FUT9: variants seen among roughly 807,000 people sequenced by gnomAD.
The protein encoded by FUT9 is 4-galactosyl-N-acetylglucosaminide 3-alpha-L-fucosyltransferase 9.
In FUT9, 15 loss-of-function variants were observed where a neutral mutation model predicts 29.7. That is an observed-to-expected ratio of 0.51 (90% CI 0.34 to 0.78). FUT9 has a LOEUF of 0.78. Among genes scored for constraint, FUT9 ranks in the 30% least tolerant of loss-of-function variants. The pLI is 0.01. For missense variants in FUT9, 319 were observed against 425.4 expected, an observed-to-expected ratio of 0.75 and a Z score of 2.20; for synonymous variants, 169 against 153.7, an observed-to-expected ratio of 1.10 and a Z score of -0.74.
chr6:96,101,011 G>A (rs1771577192), intron 1 of FUT9, among the ~76,000 whole-genome samples: 1 of 150,754 alleles, frequency 6.6e-6, no homozygotes, highest in Non-Finnish European at 1.5e-5. Context: ...TTGCATACAT[G>A]TGTAATCAAG....
At chr6:96,114,677 T>A (rs911001206) in intron 2 of FUT9, among the ~76,000 whole-genome samples, 2 of 151,860 alleles carry the variant, frequency 1.3e-5, no homozygotes, top group African/African-American at 4.8e-5. Context: ...AGAAAAGTAG[T>A]CTTTGTACAG....
chr6:96,152,130 T>C (rs1304469312), intron 2 of FUT9, among the ~76,000 whole-genome samples: 1 of 152,168 alleles, frequency 6.6e-6, no homozygotes, highest in Non-Finnish European at 1.5e-5. Flanking sequence ...AAGGAGCCTG[T>C]CTTTTAAAGT....
chr6:96,021,306 C>A (rs1470097746), intron 1 of FUT9, among the ~76,000 whole-genome samples: 1 of 151,652 alleles, frequency 6.6e-6, no homozygotes, highest in Non-Finnish European at 1.5e-5. Flanking sequence ...TTGGACAATG[C>A]AGGAACCTAT....
chr6:96,032,663 T>G (rs9498737), intron 1 of FUT9, among the ~76,000 whole-genome samples: 1 of 151,250 alleles, frequency 6.6e-6, no homozygotes, highest in South Asian at 2.1e-4. Context: ...ACTATTGTCT[T>G]TACGTGAAAG....
intron 1 of FUT9, among the ~76,000 whole-genome samples, chr6:96,095,262 C>T (rs1455531777): frequency 6.6e-6 from 1 of 152,096 alleles, no homozygotes; most frequent in African/African-American, 2.4e-5. Flanking sequence ...CATTGCAAAT[C>T]TCATTTCTTA....
intron 2 of FUT9, among the ~76,000 whole-genome samples, chr6:96,202,651 A>G (rs1773746209): frequency 6.6e-6 from 1 of 152,170 alleles, no homozygotes; most frequent in South Asian, 2.1e-4. Context: ...TATAACGAGA[A>G]AAACAAAAAC....
At chr6:96,180,276 G>A (rs1364148457) in intron 2 of FUT9, among the ~76,000 whole-genome samples, 2 of 152,044 alleles carry the variant, frequency 1.3e-5, no homozygotes, top group Non-Finnish European at 2.9e-5. Context: ...ATCTAGCATA[G>A]TGGCATTTTT....
chr6:96,157,389 T>A (rs962188895), intron 2 of FUT9, among the ~76,000 whole-genome samples: 3 of 152,206 alleles, frequency 2.0e-5, no homozygotes, highest in African/African-American at 7.2e-5. Flanking sequence ...ATAATCTTTT[T>A]ATTATTTTGG....
chr6:96,084,038 C>T (rs1465846504), intron 1 of FUT9, among the ~76,000 whole-genome samples: 1 of 152,006 alleles, frequency 6.6e-6, no homozygotes, highest in Non-Finnish European at 1.5e-5. Context: ...TCAGAATGTA[C>T]TTGTCAATTG....
chr6:96,205,882 C>G lies in FUT9; in HGVS notation c.*1647C>G, dbSNP rs1422396484. 1.2e-5 allele frequency: 2 copies of G among 166,910 alleles called. No individual in the cohort carries two copies. The highest frequency in any genetic ancestry group is 2.9e-5 in the Non-Finnish European group (2 of 68,096). 10.3% of individuals were successfully genotyped at this position (166,910 alleles called of 1,614,324 possible). On this transcript the variant is annotated 3_prime_UTR_variant, in exon 3 of 3. Coordinates refer to ENST00000302103, the MANE Select transcript of FUT9 (RefSeq NM_006581.4). ...GTGAGAGAATAAGCTCACCCCAGCA[C>G]CAGAAAGATTTGAGCAGAGGAATAT...
At chr6:96,022,025 T>TGACATA (rs1770078658) in intron 1 of FUT9, among the ~76,000 whole-genome samples, 1 of 152,066 alleles carries the variant, frequency 6.6e-6, no homozygotes, top group Non-Finnish European at 1.5e-5. Flanking sequence ...ATGAATACTT[T>TGACATA]ACAACTTTAT....
intron 1 of FUT9, among the ~76,000 whole-genome samples, chr6:96,062,678 G>T (rs1200972237): frequency 6.6e-6 from 1 of 152,104 alleles, no homozygotes; most frequent in African/African-American, 2.4e-5. Context: ...ACTGCATAGT[G>T]AAATTTCAGA....
At chr6:96,113,323 C>T (rs2127961576) in intron 1 of FUT9, among the ~76,000 whole-genome samples, 1 of 151,938 alleles carries the variant, frequency 6.6e-6, no homozygotes, top group African/African-American at 2.4e-5. Context: ...ATTGCAACTT[C>T]CATTTCCGAG....
intron 2 of FUT9, among the ~76,000 whole-genome samples, chr6:96,153,744 C>T (rs1772725814): frequency 6.6e-6 from 1 of 152,208 alleles, no homozygotes; most frequent in South Asian, 2.1e-4. Flanking sequence ...TGAATCTCAC[C>T]TCTCCAGTTT....
At chr6:96,020,149 T>G (rs1770042522) in intron 1 of FUT9, among the ~76,000 whole-genome samples, 1 of 152,142 alleles carries the variant, frequency 6.6e-6, no homozygotes, top group Admixed American at 6.5e-5. Flanking sequence ...ATTCAAAAAT[T>G]AAACTGCAAC....
chr6:96,091,311 T>G (rs968549433), intron 1 of FUT9, among the ~76,000 whole-genome samples: 13 of 152,120 alleles, frequency 8.5e-5, no homozygotes, highest in Admixed American at 7.9e-4. Flanking sequence ...CAAAATAAAT[T>G]AGAATATTAT....
chr6:96,051,432 C>A (rs982529998), intron 1 of FUT9, among the ~76,000 whole-genome samples: 6 of 152,000 alleles, frequency 3.9e-5, no homozygotes, highest in African/African-American at 1.4e-4. Flanking sequence ...GAGAGGATTG[C>A]TTGAAGCCAA....
intron 1 of FUT9, among the ~76,000 whole-genome samples, chr6:96,101,413 C>A (rs923390614): frequency 6.6e-5 from 10 of 151,724 alleles, no homozygotes; most frequent in African/African-American, 1.4e-4. Context: ...GTTGTGGGGG[C>A]TGGGGGGTGC....
intron 1 of FUT9, among the ~76,000 whole-genome samples, chr6:96,108,762 A>C (rs1186083544): frequency 6.6e-6 from 1 of 152,132 alleles, no homozygotes; most frequent in Non-Finnish European, 1.5e-5. Context: ...CCTATTTTCC[A>C]TTAAGCTTCC....
Sources: gnomAD v4.1 joint callset for allele counts (sites outside exome capture counted in the v4.1 genomes callset) on GRCh38, gnomAD v4.1.1 for gene constraint, MANE v1.5 for transcripts, NCBI Gene and HGNC (gene_info 2026-07-23, HGNC 2026-07-21) for gene names.